The following KCNB2 variants were observed in gnomAD, a reference collection of about 807,000 sequenced individuals.
KCNB2 encodes potassium voltage-gated channel subfamily B member 2.
A neutral mutation model predicts 61.5 loss-of-function variants in KCNB2; 15 were observed. The ratio of observed to expected loss-of-function variants is 0.24; its 90% CI spans 0.16 to 0.38. The LOEUF (loss-of-function observed/expected upper bound fraction) is 0.38. Among genes scored for constraint, KCNB2 ranks in the 10% least tolerant of loss-of-function variants. The pLI, the probability that KCNB2 is intolerant of heterozygous loss-of-function variation, is 1.00. For missense variants in KCNB2, 828 were observed against 1,125.2 expected (o/e 0.74, Z 3.78); for synonymous variants, 457 against 446.0 (o/e 1.02, Z -0.31).
chr8:72,552,207 A>G (rs1041468009), intron 1 of KCNB2, among the ~76,000 whole-genome samples: 1 of 152,200 alleles, frequency 6.6e-6, no homozygotes, highest in Non-Finnish European at 1.5e-5. Flanking sequence ...AAGGCAAAAC[A>G]TGTTCTTCCA....
chr8:72,931,862 A>T (rs1255049172), intron 2 of KCNB2, among the ~76,000 whole-genome samples: 4 of 152,108 alleles, frequency 2.6e-5, no homozygotes, highest in Admixed American at 2.6e-4. Context: ...AAAATACAAA[A>T]ATTAGCTGGG....
At chr8:72,626,237 G>T (rs1805787124) in intron 2 of KCNB2, among the ~76,000 whole-genome samples, 1 of 152,130 alleles carries the variant, frequency 6.6e-6, no homozygotes, top group Admixed American at 6.6e-5. Context: ...GCCACAGAAT[G>T]CCCAGAATAC....
intron 2 of KCNB2, among the ~76,000 whole-genome samples, chr8:72,738,801 A>G (rs950654758): frequency 3.3e-5 from 5 of 152,200 alleles, no homozygotes; most frequent in Admixed American, 2.0e-4. Context: ...GCAAGATAAT[A>G]ATACACTGAA....
At chr8:72,649,882 G>A (rs1272386247) in intron 2 of KCNB2, among the ~76,000 whole-genome samples, 3 of 152,038 alleles carry the variant, frequency 2.0e-5, no homozygotes, top group South Asian at 2.1e-4. Flanking sequence ...AATTGCAACC[G>A]AAAGGATGAC....
intron 2 of KCNB2, among the ~76,000 whole-genome samples, chr8:72,686,000 AAAG>A (rs1806845506): frequency 6.6e-6 from 1 of 152,180 alleles, no homozygotes; most frequent in African/African-American, 2.4e-5. Context: ...AAAAAAGAAA[AAAG>A]AAGGTCCAGA....
At chr8:72,908,110 T>G (rs933058286) in intron 2 of KCNB2, among the ~76,000 whole-genome samples, 5 of 152,194 alleles carry the variant, frequency 3.3e-5, no homozygotes, top group African/African-American at 1.2e-4. Context: ...TTTTTCACCT[T>G]GCCTGATTCT....
chr8:72,723,900 A>G (rs1273285918), intron 2 of KCNB2, among the ~76,000 whole-genome samples: 1 of 152,222 alleles, frequency 6.6e-6, no homozygotes, highest in Non-Finnish European at 1.5e-5. Context: ...TTGTTAAATT[A>G]GAGCAAGTAC....
chr8:72,935,944 A>G lies in KCNB2; in HGVS notation c.589A>G (p.Ile197Val). ...CTTTTCTCTTTTCCAGATCCTGGCC[A>G]TCGTGTCTATCCTGTTCATTGTGCT... ...NSSVAAKILA[I>V]VSILFIVLST... Residue 197 changes from isoleucine (I) to valine (V), a missense_variant, in exon 3 of 3, where the codon ATC becomes GTC. Around this residue, in one of 4 missense-constraint regions of KCNB2, gnomAD observed 163 missense variants for 314.4 expected, o/e 0.52. Coordinates refer to ENST00000523207, the MANE Select transcript of KCNB2 (RefSeq NM_004770.3). 1.2e-6 allele frequency: 2 copies of G among 1,611,802 alleles called. No homozygotes were observed. The highest frequency in any genetic ancestry group is 1.7e-6 in the Non-Finnish European group (2 of 1,178,264).
chr8:72,917,859 A>C (rs1189948910), intron 2 of KCNB2, among the ~76,000 whole-genome samples: 1 of 152,196 alleles, frequency 6.6e-6, no homozygotes, highest in Non-Finnish European at 1.5e-5. Context: ...TCTCATAGTG[A>C]TATCAGGTTG....
chr8:72,588,314 G>A (rs950680587), intron 2 of KCNB2, among the ~76,000 whole-genome samples: 5 of 151,196 alleles, frequency 3.3e-5, no homozygotes, highest in Admixed American at 2.6e-4. Flanking sequence ...CCCATCCCAG[G>A]TTCAAATGAT....
chr8:72,719,766 T>TA lies in KCNB2; in HGVS notation c.579+151461dup, dbSNP rs540790694. Among the ~76,000 whole-genome samples the TA allele has an allele frequency of 4.6e-5, 7 of 151,480 alleles. No individual in the cohort carries two copies. In the East Asian group the frequency reaches 5.8e-4, roughly 13 times the overall value. On this transcript the variant is annotated intron_variant, in intron 2 of 2. Transcript: ENST00000523207. ...TGGCACTTGCAGTACTTTAGTGGCT[T>TA]AAAAAAAATAAAACAAAACAAAAGA...
intron 2 of KCNB2, among the ~76,000 whole-genome samples, chr8:72,854,089 A>T (rs2129003530): frequency 6.6e-6 from 1 of 152,278 alleles, no homozygotes; most frequent in South Asian, 2.1e-4. Flanking sequence ...TGAGGTATTT[A>T]TTTACTTATT....
At chr8:72,734,129 A>G (rs1807797940) in intron 2 of KCNB2, among the ~76,000 whole-genome samples, 1 of 152,204 alleles carries the variant, frequency 6.6e-6, no homozygotes, top group African/African-American at 2.4e-5. Flanking sequence ...ATGTAAAAGC[A>G]GTCTCATTAT....
At chr8:72,855,688 G>T (rs964727393) in intron 2 of KCNB2, among the ~76,000 whole-genome samples, 3 of 152,070 alleles carry the variant, frequency 2.0e-5, no homozygotes. Context: ...AAACAAAAAA[G>T]ATTATTAGAC....
At chr8:72,725,525 A>ATATATGTG (rs1563571815) in intron 2 of KCNB2, among the ~76,000 whole-genome samples, 7 of 54,042 alleles carry the variant, frequency 1.3e-4, no homozygotes, top group African/African-American at 6.4e-4. Context: ...ATATATATAT[A>ATATATGTG]TATATATATA....
chr8:72,553,811 T>A (rs1806381143), intron 1 of KCNB2, among the ~76,000 whole-genome samples: 1 of 152,158 alleles, frequency 6.6e-6, no homozygotes, highest in Admixed American at 6.5e-5. Flanking sequence ...GTCATTTTTT[T>A]AAATCTGGGG....
Position 72,568,275 on chromosome 8 carries a change from G to A in KCNB2, c.541G>A (p.Asp181Asn). The change falls in exon 2 of 3, where the codon GAC becomes AAC. Residue 181 changes from aspartate to asparagine, a missense_variant. Coordinates refer to ENST00000523207, the MANE Select transcript of KCNB2 (RefSeq NM_004770.3). ...CCCTGATAAAAGGAAGAAACTGTGG[G>A]ACTTGCTGGAGAAACCTAACTCATC... ...CCPDKRKKLWDLLEKPNSSVA... is the reference protein window; with the variant it reads ...CCPDKRKKLWNLLEKPNSSVA... 6.2e-7 allele frequency: 1 copy of A among 1,612,858 alleles called. No individual in the cohort carries two copies.
At chr8:72,621,554 A>G (rs1225118546) in intron 2 of KCNB2, among the ~76,000 whole-genome samples, 1 of 152,008 alleles carries the variant, frequency 6.6e-6, no homozygotes, top group Non-Finnish European at 1.5e-5. Context: ...TTTTATTTTT[A>G]ATGTTCGTGG....
chr8:72,717,829 G>A (rs940343259), intron 2 of KCNB2, among the ~76,000 whole-genome samples: 12 of 152,196 alleles, frequency 7.9e-5, no homozygotes, highest in Non-Finnish European at 1.5e-4. Flanking sequence ...TAATTAAACT[G>A]AAGAGTTTCT....
Sources: gnomAD v4.1 joint callset for allele counts (sites outside exome capture counted in the v4.1 genomes callset) on GRCh38, gnomAD v4.1.1 for gene constraint, gnomAD v4.1.1 regional missense constraint, MANE v1.5 for transcripts, NCBI Gene and HGNC (gene_info 2026-07-23, HGNC 2026-07-21) for gene names.